Variants in WDR35 observed in about 807,000 individuals in gnomAD.
WDR35 encodes the protein WD repeat-containing protein 35.
A neutral mutation model predicts 158.3 loss-of-function variants in WDR35; 118 were observed. The ratio of observed to expected loss-of-function variants is 0.75; its 90% CI spans 0.64 to 0.87. The LOEUF is 0.87. Among genes scored for constraint, WDR35 ranks in the 40% least tolerant of loss-of-function variants. The pLI, the probability that WDR35 is intolerant of heterozygous loss-of-function variation, is 0.00. For missense variants in WDR35, 1,263 were observed against 1,405.8 expected (o/e 0.90, Z 1.62); for synonymous variants, 448 against 476.1 (o/e 0.94, Z 0.77).
chr2:19,971,358 C>T (rs1242484218), intron 8 of WDR35, among the ~76,000 whole-genome samples: 1 of 152,114 alleles, frequency 6.6e-6, no homozygotes. Context: ...GCATGAGGGC[C>T]CTCATGGCTG....
chr2:19,928,519 G>A (rs1453341773), intron 25 of WDR35, among the ~76,000 whole-genome samples: 1 of 152,102 alleles, frequency 6.6e-6, no homozygotes, highest in Non-Finnish European at 1.5e-5. Context: ...GCACATTAAG[G>A]TAGAATTTCA....
chr2:19,944,940 T>C (rs973029305), intron 16 of WDR35, among the ~76,000 whole-genome samples: 1 of 152,286 alleles, frequency 6.6e-6, no homozygotes, highest in Middle Eastern at 3.4e-3. Flanking sequence ...ATTAATGATA[T>C]AAAGCATTTA....
At chr2:19,985,893 T>C (rs1335574623) in intron 2 of WDR35, among the ~76,000 whole-genome samples, 5 of 90,226 alleles carry the variant, frequency 5.5e-5, no homozygotes, top group Non-Finnish European at 7.8e-5. Flanking sequence ...TGAGACCCCA[T>C]CTCGGGAAAA....
intron 6 of WDR35, among the ~76,000 whole-genome samples, chr2:19,974,874 A>T (rs1672156131): frequency 6.6e-6 from 1 of 152,222 alleles, no homozygotes; most frequent in East Asian, 1.9e-4. Flanking sequence ...TCAAACAACA[A>T]GTATATAAAA....
At chr2:19,957,233 T>C (rs576031199) in intron 11 of WDR35, among the ~76,000 whole-genome samples, 5 of 152,310 alleles carry the variant, frequency 3.3e-5, no homozygotes, top group African/African-American at 9.6e-5. Flanking sequence ...ATCACCTACA[T>C]AGGATTTTAT....
rs935668245 is a variant in WDR35, at chr2:19,934,123, A to AT, written c.2548-613dup. On this transcript the variant is annotated intron_variant, in intron 21 of 26. Transcript: ENST00000281405. This position sits in a 1 kb window ranked among gnomAD's most constrained non-coding sequence, Gnocchi z 4.6. The stretch of plus-strand genomic sequence containing the variant: ...CTGCACTGGCCATTTTCAGAACATC[A>AT]TTTTTTTTCTTTCAGAATATCTAAT... Among the ~76,000 whole-genome samples, 4 of 147,290 alleles carry AT rather than the reference A, an allele frequency of 2.7e-5. No individual in the cohort carries two copies. The highest frequency in any genetic ancestry group is 4.5e-5 in the Non-Finnish European group (3 of 66,992).
intron 5 of WDR35, among the ~76,000 whole-genome samples, chr2:19,976,087 A>G (rs1363404682): frequency 2.6e-5 from 4 of 152,216 alleles, no homozygotes; most frequent in Non-Finnish European, 4.4e-5. Context: ...TAATTCCTCT[A>G]TGTATTCTCT....
chr2:19,914,303 T>C (rs748658043), intron 25 of WDR35, 26 bp from the exon 26 acceptor site: 2 of 1,613,440 alleles, frequency 1.2e-6, no homozygotes, highest in Non-Finnish European at 8.5e-7. Context: ...CAATTGGGGT[T>C]TTTTAAAATA....
chr2:19,978,653 A>G, intron 5 of WDR35, 98 bp downstream of exon 5: 1 of 1,547,864 alleles, frequency 6.5e-7, no homozygotes, highest in Non-Finnish European at 8.8e-7. Context: ...TCTATTTTTC[A>G]ATCAGAATGC....
At chr2:19,933,635 T>A in intron 21 of WDR35, 124 bp from the exon 22 acceptor site, 2 of 807,328 alleles carry the variant, frequency 2.5e-6, no homozygotes, top group Middle Eastern at 3.2e-4. Context: ...ATTTTTCTTG[T>A]AAACAGACGC....
chr2:19,923,576 C>G (rs766089385), intron 25 of WDR35, among the ~76,000 whole-genome samples: 1 of 152,172 alleles, frequency 6.6e-6, no homozygotes, highest in Admixed American at 6.5e-5. Context: ...TCCTTCTGCA[C>G]CCCCTCATTA....
At chr2:19,973,446 A>C in intron 8 of WDR35, 117 bp downstream of exon 8, 1 of 1,218,216 alleles carries the variant, frequency 8.2e-7, no homozygotes, top group Non-Finnish European at 1.2e-6. Flanking sequence ...TATGAAGATG[A>C]AATGTCCCTA....
chr2:19,957,418 T>A (rs1038333800), intron 11 of WDR35, among the ~76,000 whole-genome samples: 104 of 152,248 alleles, frequency 6.8e-4, no homozygotes, highest in African/African-American at 2.3e-3. Context: ...ACTAAGCTTC[T>A]AGGAAAAGCA....
intron 13 of WDR35, among the ~76,000 whole-genome samples, chr2:19,951,056 T>C (rs2028208): frequency 0.22 from 33,319 of 152,102 alleles, 4,009 homozygotes; most frequent in Non-Finnish European, 0.25. Context: ...CTGCAAAATA[T>C]ATGCACTCAC....
intron 10 of WDR35, among the ~76,000 whole-genome samples, chr2:19,964,532 C>T (rs554089817): frequency 3.3e-5 from 5 of 151,796 alleles, no homozygotes; most frequent in African/African-American, 7.3e-5. Flanking sequence ...TACAGGCACA[C>T]GCTGCCACGC....
intron 2 of WDR35, among the ~76,000 whole-genome samples, chr2:19,983,464 C>T (rs530584514): frequency 2.6e-5 from 4 of 152,198 alleles, no homozygotes; most frequent in East Asian, 1.9e-4. Flanking sequence ...CCTCTAAAGA[C>T]GTCTTAAAAA....
At chr2:19,938,538 A>ATTTC in intron 17 of WDR35, 137 bp from the exon 18 acceptor site, 1 of 1,175,834 alleles carries the variant, frequency 8.5e-7, no homozygotes, top group Non-Finnish European at 1.2e-6. Flanking sequence ...AGGAAGAGAA[A>ATTTC]TCTTCACGTT....
Position 19,913,704 on chromosome 2 carries a change from C to T in WDR35, c.3367G>A (p.Glu1123Lys), listed in dbSNP as rs774573858. Residue 1123 changes from glutamate (E) to lysine (K), a missense_variant, in exon 27 of 27, where the codon GAA (glutamate) becomes AAA (lysine). Glu to Lys is a moderately conservative substitution (Grantham distance 56, BLOSUM62 1). Transcript: ENST00000281405. The part of the protein sequence containing the change: ...PELDSLMEGG[E>K]GKLPTCVATG... Reference sequence around the variant, plus strand: ...GCAACGCATGTTGGCAGTTTCCCTTCTCCACTGTAAAACGGGGAGAAACAA... The same window carrying T: ...GCAACGCATGTTGGCAGTTTCCCTTTTCCACTGTAAAACGGGGAGAAACAA... The T allele has an allele frequency of 6.2e-7, 1 of 1,614,022 alleles. No individual in the cohort carries two copies. The highest frequency in any genetic ancestry group is 1.7e-5 in the Admixed American group (1 of 59,994).
intron 2 of WDR35, among the ~76,000 whole-genome samples, chr2:19,985,631 C>T: frequency 6.6e-6 from 1 of 151,430 alleles, no homozygotes; most frequent in Non-Finnish European, 1.5e-5. Context: ...CGCCTGTAAC[C>T]CCAGCATTTT....
Sources: gnomAD v4.1 joint callset for allele counts (sites outside exome capture counted in the v4.1 genomes callset) on GRCh38, gnomAD v4.1.1 for gene constraint, Gnocchi (gnomAD v3.1) non-coding constraint, MANE v1.5 for transcripts, NCBI Gene and HGNC (gene_info 2026-07-23, HGNC 2026-07-21) for gene names.